Variants in SMARCAD1 observed in about 807,000 individuals in gnomAD.
The protein encoded by SMARCAD1 is SWI/SNF-related matrix-associated actin-dependent regulator of chromatin subfamily A containing DEAD/H box 1.
SMARCAD1 carries 25 observed loss-of-function variants against 127.1 expected under a neutral mutation model. The ratio of observed to expected loss-of-function variants is 0.20; its 90% CI spans 0.14 to 0.27. SMARCAD1 has a LOEUF of 0.27. SMARCAD1 is among the 10% of genes least tolerant of loss of function. SMARCAD1 has a pLI of 1.00. For missense variants in SMARCAD1, 807 were observed against 1,206.0 expected (o/e 0.67, Z 4.90); for synonymous variants, 400 against 396.9 (o/e 1.01, Z -0.09).
intron 9 of SMARCAD1, among the ~76,000 whole-genome samples, chr4:94,263,426 G>A (rs952447566): frequency 1.3e-5 from 2 of 152,016 alleles, no homozygotes; most frequent in African/African-American, 2.4e-5. Context: ...AGATCATATT[G>A]TGATTATGAA....
chr4:94,272,398 A>G (rs1752663871), intron 11 of SMARCAD1, among the ~76,000 whole-genome samples: 1 of 152,182 alleles, frequency 6.6e-6, no homozygotes, highest in Non-Finnish European at 1.5e-5. Context: ...AATGATGTCT[A>G]ATTTAGTTGC....
At chr4:94,264,538 G>A in intron 9 of SMARCAD1, 169 bp from the exon 10 acceptor site, 1 of 566,308 alleles carries the variant, frequency 1.8e-6, no homozygotes, top group African/African-American at 1.9e-5. Flanking sequence ...AGTGAAACAT[G>A]TAGCAACTCA....
At chr4:94,238,129 T>A (rs528337926) in intron 5 of SMARCAD1, among the ~76,000 whole-genome samples, 1 of 152,292 alleles carries the variant, frequency 6.6e-6, no homozygotes, top group East Asian at 1.9e-4. Context: ...TTTCTTCCAC[T>A]AAGTGGCCTG....
intron 2 of SMARCAD1, among the ~76,000 whole-genome samples, chr4:94,216,678 A>G (rs1447190494): frequency 1.3e-5 from 2 of 152,176 alleles, no homozygotes; most frequent in Non-Finnish European, 1.5e-5. Context: ...GAATTTGACT[A>G]TTCTAAGTAT....
intron 9 of SMARCAD1, among the ~76,000 whole-genome samples, chr4:94,260,733 A>G (rs1326203829): frequency 1.3e-5 from 2 of 152,238 alleles, no homozygotes; most frequent in Non-Finnish European, 2.9e-5. Context: ...CCGTTCATAT[A>G]CAAAATTCAG....
chr4:94,221,192 GAGA>G (rs1206943628), intron 2 of SMARCAD1, among the ~76,000 whole-genome samples: 2 of 152,178 alleles, frequency 1.3e-5, no homozygotes, highest in South Asian at 2.1e-4. Context: ...AGACATTTCT[GAGA>G]AGATCAATGG....
intron 10 of SMARCAD1, among the ~76,000 whole-genome samples, chr4:94,270,281 T>G (rs1299930416): frequency 6.6e-6 from 1 of 152,078 alleles, no homozygotes; most frequent in East Asian, 1.9e-4. Flanking sequence ...TTGACACACA[T>G]TCAGAAAGTA....
intron 21 of SMARCAD1, among the ~76,000 whole-genome samples, chr4:94,281,965 G>A (rs1022631962): frequency 3.3e-5 from 5 of 151,790 alleles, no homozygotes; most frequent in South Asian, 2.1e-4. Flanking sequence ...TTTGAGCCCC[G>A]GGGGGCGGAG....
chr4:94,243,051 C>T (rs567118246), intron 6 of SMARCAD1, among the ~76,000 whole-genome samples: 2 of 152,258 alleles, frequency 1.3e-5, no homozygotes, highest in East Asian at 3.9e-4. Flanking sequence ...CTCTGCCTCC[C>T]GGGTTCAAGT....
At chr4:94,223,760 TA>T (rs1241473482) in intron 2 of SMARCAD1, among the ~76,000 whole-genome samples, 14,216 of 62,544 alleles carry the variant, frequency 0.23, 1,232 homozygotes, top group Non-Finnish European at 0.3. Context: ...TTTTTTTTTT[TA>T]AAGTAGAGAC....
intron 23 of SMARCAD1, among the ~76,000 whole-genome samples, chr4:94,288,405 C>A (rs573139986): frequency 6.6e-6 from 1 of 152,112 alleles, no homozygotes; most frequent in South Asian, 2.1e-4. Context: ...TGCATTCTTC[C>A]TAACATAGTA....
At chr4:94,245,737 T>A (rs568491814) in intron 6 of SMARCAD1, among the ~76,000 whole-genome samples, 7 of 152,230 alleles carry the variant, frequency 4.6e-5, no homozygotes, top group Non-Finnish European at 1.0e-4. Context: ...TAAAATTGTA[T>A]CATTTTTATT....
At chr4:94,261,266 T>A (rs1430606564) in intron 9 of SMARCAD1, among the ~76,000 whole-genome samples, 2 of 152,196 alleles carry the variant, frequency 1.3e-5, no homozygotes, top group African/African-American at 4.8e-5. Flanking sequence ...ACTTACATGT[T>A]AGGAATCTTC....
intron 9 of SMARCAD1, among the ~76,000 whole-genome samples, chr4:94,259,450 A>G (rs1337156698): frequency 2.0e-5 from 3 of 152,202 alleles, no homozygotes; most frequent in African/African-American, 7.2e-5. Context: ...GATAGATCTA[A>G]ATTCTAAATC....
chr4:94,207,910 C>T lies in SMARCAD1; in HGVS notation c.-210C>T, dbSNP rs1741446008. 3.0e-6 allele frequency: 1 copy of T among 338,228 alleles called. No homozygotes were observed. The highest frequency in any genetic ancestry group is 5.8e-6 in the Non-Finnish European group (1 of 172,370). 21.0% of individuals were successfully genotyped at this position (338,228 alleles called of 1,614,324 possible). ...GCCCGCCAGCACGGCCTCCGCCGCT[C>T]CCCTTCTTTGGCCCCTTTGTGTCCC... is the stretch of plus-strand genomic sequence containing the variant. On this transcript the variant is annotated 5_prime_UTR_variant, in exon 1 of 24. Transcript: ENST00000354268.
intron 6 of SMARCAD1, among the ~76,000 whole-genome samples, 197 bp downstream of exon 6, chr4:94,241,203 G>C (rs1211733193): frequency 1.3e-5 from 2 of 152,100 alleles, no homozygotes; most frequent in Non-Finnish European, 2.9e-5. Context: ...CTTAAGCACA[G>C]ACTATTTTGT....
In SMARCAD1 at chr4:94,278,641, A is replaced by G; in HGVS notation, c.2204A>G (p.Lys735Arg). The change falls in exon 18 of 24, where the codon AAA becomes AGA. Residue 735 changes from lysine to arginine, a missense_variant. Lys to Arg is a conservative substitution (Grantham distance 26, BLOSUM62 2). Transcript: ENST00000354268. ...EEVLKQLPPK[K>R]DRIELCAMSE... ...GTTCTCAAGCAGTTACCCCCCAAGAAAGATCGAATTGAGTTGTGTGCAATG... is the reference window on the plus strand; with the variant it reads ...GTTCTCAAGCAGTTACCCCCCAAGAGAGATCGAATTGAGTTGTGTGCAATG... The G allele has an allele frequency of 6.2e-7, 1 of 1,614,068 alleles. No individual in the cohort carries two copies. The highest frequency in any genetic ancestry group is 8.5e-7 in the Non-Finnish European group (1 of 1,179,998).
At chr4:94,288,943 G>A (rs1482714615) in intron 23 of SMARCAD1, among the ~76,000 whole-genome samples, 2 of 151,992 alleles carry the variant, frequency 1.3e-5, no homozygotes, top group Admixed American at 6.6e-5. Context: ...TAAAATATAG[G>A]GCAAACATTG....
intron 2 of SMARCAD1, among the ~76,000 whole-genome samples, chr4:94,213,778 T>C (rs2125792172): frequency 6.6e-6 from 1 of 152,248 alleles, no homozygotes; most frequent in South Asian, 2.1e-4. Flanking sequence ...GAGGTGAGTT[T>C]AGGAGAAAGA....
Sources: allele counts gnomAD v4.1 joint callset (sites outside exome capture counted in the v4.1 genomes callset), GRCh38; gene constraint gnomAD v4.1.1; transcripts MANE v1.5; gene names NCBI Gene and HGNC (gene_info 2026-07-23, HGNC 2026-07-21).